The following CLYBL variants were observed in gnomAD, a reference collection of about 807,000 sequenced individuals.
CLYBL encodes the protein citramalyl-CoA lyase.
Under a neutral mutation model 38.9 loss-of-function variants are expected in CLYBL, and 31 were observed. The ratio of observed to expected loss-of-function variants is 0.80; its 90% CI spans 0.60 to 1.08. The LOEUF (loss-of-function observed/expected upper bound fraction) is 1.08, where lower values mean the gene tolerates loss of function less well. Among genes scored for constraint, CLYBL ranks in the 50% least tolerant of loss-of-function variants. CLYBL has a pLI of 0.00. For synonymous variants in CLYBL, 171 were observed against 158.6 expected, an observed-to-expected ratio of 1.08 and a Z score of -0.59; for missense variants, 434 against 411.6, an observed-to-expected ratio of 1.05 and a Z score of -0.47.
At chr13:99,733,519 TTAAC>T (rs1359888516) in intron 1 of CLYBL, among the ~76,000 whole-genome samples, 1 of 152,252 alleles carries the variant, frequency 6.6e-6, no homozygotes, top group African/African-American at 2.4e-5. Flanking sequence ...ATAGTGGTGT[TTAAC>T]TACTTCCTGA....
At chr13:99,850,354 G>C (rs1010545755) in intron 2 of CLYBL, among the ~76,000 whole-genome samples, 2 of 152,174 alleles carry the variant, frequency 1.3e-5, no homozygotes, top group Non-Finnish European at 2.9e-5. Flanking sequence ...CAAGGGACTT[G>C]AATAGACATT....
intron 2 of CLYBL, among the ~76,000 whole-genome samples, chr13:99,822,344 T>G (rs2050604372): frequency 6.6e-6 from 1 of 152,176 alleles, no homozygotes; most frequent in Non-Finnish European, 1.5e-5. Flanking sequence ...GCATGACTGG[T>G]GGCTGGGAGG....
chr13:99,878,294 T>A (rs764815299), intron 7 of CLYBL, among the ~76,000 whole-genome samples: 1 of 152,230 alleles, frequency 6.6e-6, no homozygotes, highest in Non-Finnish European at 1.5e-5. Flanking sequence ...AATCTTTCAG[T>A]CTCTTCTAGT....
chr13:99,892,728 G>GT (rs1261366987), downstream of CLYBL: 1 of 152,326 alleles, frequency 6.6e-6, no homozygotes, highest in Non-Finnish European at 1.5e-5. Flanking sequence ...GAAAACAGTT[G>GT]TTTTTTACTT....
At chr13:99,766,320 C>T (rs554527983) in intron 1 of CLYBL, among the ~76,000 whole-genome samples, 34 of 152,236 alleles carry the variant, frequency 2.2e-4, no homozygotes, top group Non-Finnish European at 8.8e-5. Context: ...CTAAGGAATT[C>T]TTCAGCTCTG....
At chr13:99,879,163 G>C (rs143685419) in intron 7 of CLYBL, among the ~76,000 whole-genome samples, 1 of 152,018 alleles carries the variant, frequency 6.6e-6, no homozygotes, top group African/African-American at 2.4e-5. Context: ...TTGCACCCCC[G>C]ACTTCCTGGA....
intron 1 of CLYBL, among the ~76,000 whole-genome samples, chr13:99,733,737 G>A (rs2048626320): frequency 6.6e-6 from 1 of 152,228 alleles, no homozygotes; most frequent in Non-Finnish European, 1.5e-5. Flanking sequence ...TGTCCTGCTT[G>A]ATGCTAAACT....
At chr13:99,688,616 T>C (rs961054963) in intron 1 of CLYBL, among the ~76,000 whole-genome samples, 10 of 151,860 alleles carry the variant, frequency 6.6e-5, no homozygotes, top group Admixed American at 2.0e-4. Flanking sequence ...TTTTTTAGTG[T>C]ACAAACTTGG....
intron 2 of CLYBL, among the ~76,000 whole-genome samples, chr13:99,782,103 A>G (rs1026970539): frequency 3.3e-5 from 5 of 151,688 alleles, no homozygotes; most frequent in Non-Finnish European, 5.9e-5. Context: ...TTTGTTTTGT[A>G]TCTCAGATCT....
intron 1 of CLYBL, among the ~76,000 whole-genome samples, chr13:99,708,137 C>G (rs1042409157): frequency 2.6e-5 from 4 of 152,170 alleles, no homozygotes; most frequent in African/African-American, 7.2e-5. Context: ...CACTACCACA[C>G]CCGGCTAATT....
chr13:99,720,754 G>A (rs2048380578), intron 1 of CLYBL, among the ~76,000 whole-genome samples: 1 of 152,018 alleles, frequency 6.6e-6, no homozygotes, highest in Non-Finnish European at 1.5e-5. Context: ...TTTTTCATGG[G>A]TAATCTGTCT....
At chr13:99,903,722 A>G (rs2052666026) in intron 8 of CLYBL, among the ~76,000 whole-genome samples, 1 of 152,238 alleles carries the variant, frequency 6.6e-6, no homozygotes, top group Non-Finnish European at 1.5e-5. Context: ...GTATGAAGCA[A>G]GTTTAATTTG....
chr13:99,823,017 A>T (rs1234691852), intron 2 of CLYBL, among the ~76,000 whole-genome samples: 1 of 152,224 alleles, frequency 6.6e-6, no homozygotes, highest in Non-Finnish European at 1.5e-5. Context: ...TTGGGATTAT[A>T]TCAACATTCA....
intron 6 of CLYBL, among the ~76,000 whole-genome samples, chr13:99,870,528 T>A (rs979417769): frequency 2.0e-5 from 3 of 152,190 alleles, no homozygotes; most frequent in Non-Finnish European, 2.9e-5. Flanking sequence ...AAAGACACCT[T>A]ATAAAATTTG....
At position 99,788,425 on chromosome 13, in the gene CLYBL, G is replaced by T. The variant is rs1228072564; in HGVS notation, c.249+15415G>T. 2.6e-5 allele frequency among the ~76,000 whole-genome samples: 4 copies of T among 152,220 alleles called. No homozygotes were observed. The South Asian group carries it at 8.3e-4, about 32-fold the overall frequency. On this transcript the variant is annotated intron_variant, in intron 2 of 8. Transcript: ENST00000339105. ...TTAGCATGAAGGGCTGTTGAATTTT[G>T]TCAAAGGCCTTTTCTGCATCTATTG...
At chr13:99,747,264 G>A in intron 1 of CLYBL, among the ~76,000 whole-genome samples, 1 of 117,772 alleles carries the variant, frequency 8.5e-6, no homozygotes, top group South Asian at 2.9e-4. Flanking sequence ...CTCCTCCTTC[G>A]TTCCTACCCT....
At chr13:99,906,436 C>CTT (rs11435009) in intron 9 of CLYBL, among the ~76,000 whole-genome samples, 82 of 149,978 alleles carry the variant, frequency 5.5e-4, no homozygotes, top group Admixed American at 7.3e-4. Context: ...TTTGAGTTTT[C>CTT]TTTTTTTTTT....
At chr13:99,769,996 T>C (rs953752486) in intron 1 of CLYBL, among the ~76,000 whole-genome samples, 5 of 152,198 alleles carry the variant, frequency 3.3e-5, no homozygotes, top group Non-Finnish European at 7.3e-5. Context: ...GACATATATA[T>C]TTTTTAAGAT....
At chr13:99,737,824 C>G (rs1199494483) in intron 1 of CLYBL, among the ~76,000 whole-genome samples, 1 of 152,202 alleles carries the variant, frequency 6.6e-6, no homozygotes, top group Non-Finnish European at 1.5e-5. Flanking sequence ...AACTGCACCA[C>G]AGTGAAGTCC....
Sources: gnomAD v4.1 joint callset for allele counts (sites outside exome capture counted in the v4.1 genomes callset) on GRCh38, gnomAD v4.1.1 for gene constraint, MANE v1.5 for transcripts, NCBI Gene and HGNC (gene_info 2026-07-23, HGNC 2026-07-21) for gene names.